Variants in MYO5B observed in about 807,000 individuals in gnomAD.
MYO5B encodes the protein unconventional myosin-Vb.
A neutral mutation model predicts 229.3 loss-of-function variants in MYO5B; 143 were observed. The ratio of observed to expected loss-of-function variants is 0.62; its 90% CI spans 0.54 to 0.72. The LOEUF (loss-of-function observed/expected upper bound fraction) is 0.72. Among genes scored for constraint, MYO5B ranks in the 30% least tolerant of loss-of-function variants. The probability of loss-of-function intolerance (pLI) is 0.00; values close to 1 mark genes in which losing one functional copy is unlikely to be tolerated. For synonymous variants in MYO5B, 918 were observed against 885.2 expected (o/e 1.04, Z -0.66); for missense variants, 2,321 against 2,331.0 (o/e 1.00, Z 0.09).
intron 4 of MYO5B, among the ~76,000 whole-genome samples, chr18:50,009,000 C>T (rs1426507883): frequency 1.3e-5 from 2 of 152,078 alleles, no homozygotes; most frequent in Non-Finnish European, 2.9e-5. Context: ...GTATAAGTAC[C>T]ATGGAGAGTA....
At chr18:50,187,615 A>AGAGT in intron 1 of MYO5B, among the ~76,000 whole-genome samples, 1 of 152,174 alleles carries the variant, frequency 6.6e-6, no homozygotes, top group Admixed American at 6.5e-5. Flanking sequence ...TCCCAGGCTC[A>AGAGT]AGCAATCCTC....
intron 18 of MYO5B, among the ~76,000 whole-genome samples, chr18:49,908,175 T>C (rs1276913068): frequency 6.6e-6 from 1 of 152,208 alleles, no homozygotes; most frequent in African/African-American, 2.4e-5. Context: ...AGGGATGATA[T>C]GCTCTGCAAG....
rs550593894 is a variant in MYO5B, at chr18:50,184,907, T to A, written c.27+9860A>T. On this transcript the variant is annotated intron_variant, in intron 1 of 39. Coordinates refer to ENST00000285039, the MANE Select transcript of MYO5B (RefSeq NM_001080467.3). ...ACACACACACACAGAAAAAAATATA[T>A]ATATATATATTATTTTTAAGTTAGC... 3.0e-3 allele frequency among the ~76,000 whole-genome samples: 447 copies of A among 149,334 alleles called. 3 individuals are homozygous for A. Among genetic ancestry groups the A allele is most frequent in the African/African-American group, 8.4e-3 (340 of 40,522 alleles).
At chr18:50,137,351 G>C (rs149291489) in intron 1 of MYO5B, among the ~76,000 whole-genome samples, 12 of 152,294 alleles carry the variant, frequency 7.9e-5, no homozygotes, top group Non-Finnish European at 1.3e-4. Flanking sequence ...AGATGACTAA[G>C]ACATGGAACC....
At chr18:50,086,352 T>A (rs2031329756) in intron 1 of MYO5B, among the ~76,000 whole-genome samples, 1 of 152,168 alleles carries the variant, frequency 6.6e-6, no homozygotes, top group Non-Finnish European at 1.5e-5. Context: ...TATGTAATAT[T>A]GTTTGGTTGT....
chr18:50,194,545 G>A (rs1370084103), intron 1 of MYO5B, among the ~76,000 whole-genome samples: 1 of 152,234 alleles, frequency 6.6e-6, no homozygotes, highest in Non-Finnish European at 1.5e-5. Context: ...GGAACCTCTA[G>A]GAGCCGGGTG....
chr18:49,919,970 A>T (rs541566140), intron 17 of MYO5B, among the ~76,000 whole-genome samples: 7 of 152,386 alleles, frequency 4.6e-5, no homozygotes, highest in African/African-American at 1.7e-4. Context: ...TGATGAAATA[A>T]TATTCAGCAA....
At chr18:49,946,002 G>A (rs539107237) in intron 14 of MYO5B, among the ~76,000 whole-genome samples, 1 of 152,216 alleles carries the variant, frequency 6.6e-6, no homozygotes, top group Non-Finnish European at 1.5e-5. Context: ...ACTTTCTGAA[G>A]TGAATTTTCA....
intron 1 of MYO5B, among the ~76,000 whole-genome samples, chr18:50,085,205 A>G (rs1010181813): frequency 3.3e-5 from 5 of 152,256 alleles, no homozygotes; most frequent in African/African-American, 1.2e-4. Context: ...AATGAACTCT[A>G]ACAAATTTAT....
In MYO5B at chr18:49,962,497, G is replaced by A. The variant is rs2144260627; in HGVS notation, c.1405-91C>T. 4.5e-6 allele frequency: 7 copies of A among 1,550,758 alleles called. No homozygotes were observed. In the Admixed American group the frequency reaches 1.2e-4, roughly 26 times the overall value. ...GGCTCAGTGAGTTCTGGGTTCTGGA[G>A]GACAGCAGAGAACTGCCAGATAAGG... is the stretch of plus-strand genomic sequence containing the variant. On this transcript the variant is annotated intron_variant, in intron 11 of 39. Transcript: ENST00000285039.
chr18:49,847,698 T>C (rs1459007509), intron 32 of MYO5B, among the ~76,000 whole-genome samples: 1 of 152,262 alleles, frequency 6.6e-6, no homozygotes, highest in African/African-American at 2.4e-5. Flanking sequence ...ACCGTTTTTC[T>C]GGGAAGTGCT....
chr18:50,077,471 G>A (rs978404957), intron 1 of MYO5B, among the ~76,000 whole-genome samples: 6 of 147,996 alleles, frequency 4.1e-5, no homozygotes, highest in African/African-American at 5.0e-5. Context: ...AAGGTGATCC[G>A]TGATCAAGGC....
intron 27 of MYO5B, among the ~76,000 whole-genome samples, chr18:49,868,808 C>T (rs2024426122): frequency 6.6e-6 from 1 of 152,196 alleles, no homozygotes; most frequent in Admixed American, 6.5e-5. Context: ...GAGTGACTGG[C>T]CCTGAGAACC....
At chr18:50,149,429 A>C (rs1454937992) in intron 1 of MYO5B, among the ~76,000 whole-genome samples, 8 of 152,128 alleles carry the variant, frequency 5.3e-5, no homozygotes, top group Non-Finnish European at 1.2e-4. Context: ...ACCTGACTTC[A>C]AACTATACTA....
At chr18:49,991,532 C>T (rs1356407352) in intron 6 of MYO5B, among the ~76,000 whole-genome samples, 1 of 152,092 alleles carries the variant, frequency 6.6e-6, no homozygotes, top group African/African-American at 2.4e-5. Context: ...TACAAAGAGG[C>T]AAAGAGTAGC....
rs139455063 is a variant in MYO5B at position 50,159,231 on chromosome 18, T to C, written c.27+35536A>G. Among the ~76,000 whole-genome samples the C allele has an allele frequency of 3.9e-3, 601 of 152,220 alleles. 3 individuals are homozygous for C. Among genetic ancestry groups the C allele is most frequent in the African/African-American group, 0.013 (532 of 41,520 alleles). ...AGATCTCCTGACTCCTAAGAAATCA[T>C]GCAAAGGTTGAAGCAACTGATTTAC... On this transcript the variant is annotated intron_variant, in intron 1 of 39. Coordinates refer to ENST00000285039, the MANE Select transcript of MYO5B (RefSeq NM_001080467.3).
chr18:50,070,399 A>G (rs772784230), intron 1 of MYO5B, among the ~76,000 whole-genome samples: 3 of 152,064 alleles, frequency 2.0e-5, no homozygotes, highest in Non-Finnish European at 4.4e-5. Flanking sequence ...GCTTGCTTCT[A>G]GAGCAGTTCT....
At chr18:49,904,340 C>T (rs561343164) in intron 20 of MYO5B, among the ~76,000 whole-genome samples, 1 of 152,332 alleles carries the variant, frequency 6.6e-6, no homozygotes, top group South Asian at 2.1e-4. Flanking sequence ...CCACCTCCCA[C>T]CATGAGTGGA....
intron 14 of MYO5B, among the ~76,000 whole-genome samples, chr18:49,945,301 T>A (rs2025359183): frequency 6.6e-6 from 1 of 152,184 alleles, no homozygotes; most frequent in Non-Finnish European, 1.5e-5. Context: ...TCTTCTTTCC[T>A]CTAGGTGTTC....
Sources: allele counts gnomAD v4.1 joint callset (sites outside exome capture counted in the v4.1 genomes callset), GRCh38; gene constraint gnomAD v4.1.1; transcripts MANE v1.5; gene names NCBI Gene and HGNC (gene_info 2026-07-23, HGNC 2026-07-21).